Variants in DOK3 observed in about 807,000 individuals in gnomAD.
The protein encoded by DOK3 is Dok-like protein.
DOK3 carries 23 observed loss-of-function variants against 26.2 expected under a neutral mutation model. That is an observed-to-expected ratio of 0.88 (90% confidence interval 0.63 to 1.24). The LOEUF is 1.24. Ranked by LOEUF, DOK3 falls within the 50% of genes most tolerant of loss-of-function variation. DOK3 has a pLI of 0.00. For missense variants in DOK3, 619 were observed against 610.6 expected (o/e 1.01, Z -0.15); for synonymous variants, 268 against 268.2 (o/e 1.00, Z 0.01).
chr5:177,502,970 G>T lies in DOK3; in HGVS notation c.*1013C>A. The T allele has an allele frequency of 7.6e-7, 1 of 1,313,598 alleles. No individual in the cohort carries two copies. The highest frequency in any genetic ancestry group is 1.0e-6 in the Non-Finnish European group (1 of 964,562). 81.4% of individuals were successfully genotyped at this position (1,313,598 alleles called of 1,614,324 possible). ...TGGCCGCACTAAAGGAAGTGAGCTGGAAGGAGGTGGCGGCCAGAGGATGAG... is the reference window on the plus strand; with the variant it reads ...TGGCCGCACTAAAGGAAGTGAGCTGTAAGGAGGTGGCGGCCAGAGGATGAG... On this transcript the variant is annotated 3_prime_UTR_variant, in exon 6 of 6. Coordinates refer to ENST00000510898, the MANE Select transcript of DOK3 (RefSeq NM_001308236.3).
At chr5:177,509,881 C>A (rs552844895), upstream of DOK3, 8 of 1,607,638 alleles carry the variant, frequency 5.0e-6, no homozygotes, top group Non-Finnish European at 6.8e-6. Flanking sequence ...CGTCCCGCCC[C>A]GGGCAGCTGC....
At position 177,508,378 on chromosome 5, in the gene DOK3, ACAGT is replaced by A; in HGVS notation, c.227_230del (p.Asp76ValfsTer100). 2 of 1,603,166 alleles carry A rather than the reference ACAGT, an allele frequency of 1.2e-6. No individual in the cohort carries two copies. Among genetic ancestry groups the A allele is most frequent in the Non-Finnish European group, 1.7e-6 (2 of 1,179,196 alleles). On this transcript the variant is annotated frameshift_variant, in exon 3 of 6. Coordinates refer to ENST00000510898, the MANE Select transcript of DOK3 (RefSeq NM_001308236.3). LOFTEE classifies it high-confidence loss of function. Reference sequence around the variant, plus strand: ...CGCCGTCAGCCGGCAGCACGGACACACAGTCAGCCAGGCGGATGACCCGTCGCTC... The same window carrying A: ...CGCCGTCAGCCGGCAGCACGGACACACAGCCAGGCGGATGACCCGTCGCTC...
At position 177,502,809 on chromosome 5, in the gene DOK3, T is replaced by C. The variant is rs1759481780; in HGVS notation, c.*1174A>G. On this transcript the variant is annotated 3_prime_UTR_variant, in exon 6 of 6. Transcript: ENST00000510898. ...CTGGGCTCGCCCAAGGCCGGGGACT[T>C]TGCCAGACCAGTAAGATGAAACGAG... is the stretch of plus-strand genomic sequence containing the variant. 3.8e-6 allele frequency: 2 copies of C among 524,534 alleles called. 1 individual carries two copies. Among genetic ancestry groups the C allele is most frequent in the Admixed American group, 6.8e-5 (2 of 29,330 alleles). 32.5% of individuals were successfully genotyped at this position (524,534 alleles called of 1,614,324 possible).
chr5:177,503,176 G>A lies in DOK3; in HGVS notation c.*807C>T. The A allele has an allele frequency of 6.8e-7, 1 of 1,480,850 alleles. No homozygotes were observed. The highest frequency in any genetic ancestry group is 9.2e-7 in the Non-Finnish European group (1 of 1,087,436). The allele number at this position is 1,480,850 out of a possible 1,614,324, so 91.7% of individuals were successfully genotyped here. ...TGGCGCCAGGAGCAGGAGCAGAGGA[G>A]GGAACGCAGCATGGAAGTCTTCAGG... On this transcript the variant is annotated 3_prime_UTR_variant, in exon 6 of 6. Coordinates refer to ENST00000510898, the MANE Select transcript of DOK3 (RefSeq NM_001308236.3).
chr5:177,508,250 T>G lies in DOK3; in HGVS notation c.359A>C (p.Gln120Pro). Residue 120 changes from glutamine to proline, a missense_variant, in exon 3 of 6, where the codon CAG becomes CCG. Physicochemically the swap from Gln to Pro is moderately conservative, Grantham distance 76. Coordinates refer to ENST00000510898, the MANE Select transcript of DOK3 (RefSeq NM_001308236.3). ...CGCCGCACTCACCGGGAAGGCCAGC[T>G]GGCAGATGGGGCCCATCCAGGCCTG... ...HRQAWMGPIC[Q>P]LAFPGTGEAS... 1 of 1,512,250 alleles carries G rather than the reference T, an allele frequency of 6.6e-7. No individual in the cohort carries two copies. The highest frequency in any genetic ancestry group is 8.9e-7 in the Non-Finnish European group (1 of 1,125,922). 93.7% of individuals were successfully genotyped at this position (1,512,250 alleles called of 1,614,324 possible).
At position 177,504,249 on chromosome 5, in the gene DOK3, TGGG is replaced by T. The variant is rs1759716182; in HGVS notation, c.1054_1056del (p.Pro352del). ...GGCTCAGGTTCCCCACCGTGCAGCG[TGGG>T]GCTGGCCTCCAGCACACACAGGTTC... is the stretch of plus-strand genomic sequence containing the variant. On this transcript the variant is annotated inframe_deletion, in exon 6 of 6. Transcript: ENST00000510898. The T allele has an allele frequency of 6.2e-7, 1 of 1,610,600 alleles. No individual in the cohort carries two copies. Among genetic ancestry groups the T allele is most frequent in the Non-Finnish European group, 8.5e-7 (1 of 1,178,546 alleles).
intron 3 of DOK3, among the ~76,000 whole-genome samples, chr5:177,506,316 T>C (rs1035938202): frequency 2.8e-5 from 4 of 143,996 alleles, no homozygotes; most frequent in Non-Finnish European, 6.0e-5. Flanking sequence ...TAAAATTTAC[T>C]GTTTTAACCA....
chr5:177,504,981 G>A (rs749747143), intron 4 of DOK3, 30 bp downstream of exon 4: 7 of 1,591,864 alleles, frequency 4.4e-6, no homozygotes, highest in Admixed American at 1.7e-5. Context: ...GTGGGGGGCT[G>A]AGGCTGCCCT....
At position 177,503,905 on chromosome 5, in the gene DOK3, C is replaced by T. The variant is rs1759643104; in HGVS notation, c.*78G>A. 4 of 1,459,882 alleles carry T rather than the reference C, an allele frequency of 2.7e-6. No homozygotes were observed. The highest frequency in any genetic ancestry group is 2.7e-6 in the Non-Finnish European group (3 of 1,108,254). 90.4% of individuals were successfully genotyped at this position (1,459,882 alleles called of 1,614,324 possible). ...GGACACAGGCGTGTGTCTGCATGGG[C>T]CCAATGTTTGCCCACCAGCCCACCC... On this transcript the variant is annotated 3_prime_UTR_variant, in exon 6 of 6. Transcript: ENST00000510898.
At chr5:177,507,450 C>G (rs1403390167) in intron 3 of DOK3, among the ~76,000 whole-genome samples, 1 of 152,098 alleles carries the variant, frequency 6.6e-6, no homozygotes, top group South Asian at 2.1e-4. Flanking sequence ...TATGGACGTT[C>G]ATGTCCATGT....
In DOK3 at chr5:177,504,250, G is replaced by C. The variant is rs61749656; in HGVS notation, c.1056C>G (p.Pro352=). The change falls in exon 6 of 6, where the codon CCC becomes CCG. Residue 352 remains proline, a synonymous_variant. Transcript: ENST00000510898. The part of the protein sequence containing the change: ...YENLCVLEAS[P]TLHGGEPEPH... ...GCTCAGGTTCCCCACCGTGCAGCGT[G>C]GGGCTGGCCTCCAGCACACACAGGT... 7,527 of 1,610,698 alleles carry C rather than the reference G, an allele frequency of 4.7e-3. 21 individuals are homozygous for C. Among genetic ancestry groups the C allele is most frequent in the Non-Finnish European group, 5.6e-3 (6,647 of 1,178,500 alleles).
rs149581671 is a variant in DOK3 at position 177,509,489 on chromosome 5, C to G, written c.52G>C (p.Val18Leu). ...IKDGILYQQH[V>L]KFGKKCWRKV... ...GGGGTCCCCACCTTGCCAAACTTGA[C>G]ATGCTGCTGGTAGAGGATGCCATCC... Residue 18 changes from valine to leucine, a missense_variant, in exon 2 of 6, where the codon GTC becomes CTC. By Grantham distance (32) the Val-to-Leu change is conservative (BLOSUM62 1). Coordinates refer to ENST00000510898, the MANE Select transcript of DOK3 (RefSeq NM_001308236.3). The G allele has an allele frequency of 5.4e-5, 87 of 1,609,576 alleles. No homozygotes were observed. The African/African-American group carries it at 1.1e-3, about 21-fold the overall frequency.
Position 177,504,234 on chromosome 5 carries a change from C to T in DOK3, c.1072G>A (p.Glu358Lys). 6.2e-7 allele frequency: 1 copy of T among 1,611,588 alleles called. No homozygotes were observed. Among genetic ancestry groups the T allele is most frequent in the Non-Finnish European group, 8.5e-7 (1 of 1,179,014 alleles). ...CCGGGGCCCTCGTGCGGCTCAGGTT[C>T]CCCACCGTGCAGCGTGGGGCTGGCC... ...LEASPTLHGG[E>K]PEPHEGPGSR... The change falls in exon 6 of 6, where the codon GAA becomes AAA. Residue 358 changes from glutamate to lysine, a missense_variant. Coordinates refer to ENST00000510898, the MANE Select transcript of DOK3 (RefSeq NM_001308236.3).
intron 3 of DOK3, 44 bp downstream of exon 3, chr5:177,508,193 G>C: frequency 7.2e-7 from 1 of 1,382,776 alleles, no homozygotes; most frequent in Non-Finnish European, 9.3e-7. Context: ...ACAAGTCGGG[G>C]GCAGGTGCCC....
At chr5:177,506,173 C>G (rs534905990) in intron 3 of DOK3, among the ~76,000 whole-genome samples, 136 of 152,180 alleles carry the variant, frequency 8.9e-4, no homozygotes, top group Non-Finnish European at 5.7e-4. Context: ...AGGCTGGTCT[C>G]GAACTCCTGA....
Position 177,502,856 on chromosome 5 carries a change from A to G in DOK3, c.*1127T>C. 2 of 594,838 alleles carry G rather than the reference A, an allele frequency of 3.4e-6. No individual in the cohort carries two copies. Among genetic ancestry groups the G allele is most frequent in the East Asian group, 2.8e-5 (1 of 35,828 alleles). 36.8% of individuals were successfully genotyped at this position (594,838 alleles called of 1,614,324 possible). On this transcript the variant is annotated 3_prime_UTR_variant, in exon 6 of 6. Coordinates refer to ENST00000510898, the MANE Select transcript of DOK3 (RefSeq NM_001308236.3). ...CGAGAGAGAACAGGGGGAAGGGACT[A>G]TGGAGAACAAAGAGGGGATGGTGGG...
At chr5:177,507,062 C>T (rs978772464) in intron 3 of DOK3, among the ~76,000 whole-genome samples, 5 of 152,198 alleles carry the variant, frequency 3.3e-5, no homozygotes, top group Non-Finnish European at 7.4e-5. Context: ...CATCATCCCA[C>T]ATGGAAGCCC....
chr5:177,508,101 G>C, intron 3 of DOK3, 136 bp downstream of exon 3: 3 of 1,140,278 alleles, frequency 2.6e-6, no homozygotes. Context: ...GGCCCTCTGA[G>C]AGTCATTATA....
Position 177,504,301 on chromosome 5 carries a change from G to A in DOK3, c.1005C>T (p.Pro335=), listed in dbSNP as rs746638854. The A allele has an allele frequency of 1.9e-6, 3 of 1,606,494 alleles. No homozygotes were observed. The highest frequency in any genetic ancestry group is 2.6e-6 in the Non-Finnish European group (3 of 1,175,932). Reference sequence around the variant, plus strand: ...TCTCATAGAGGTGCTCATTGCCTGGGGGCCCACTGGCACGCTTGCACACTG... The same window carrying A: ...TCTCATAGAGGTGCTCATTGCCTGGAGGCCCACTGGCACGCTTGCACACTG... ...YASVCKRASG[P]PGNEHLYENL... is the part of the protein sequence containing the mutation. Residue 335 remains proline (P), a synonymous_variant, in exon 6 of 6, where the codon CCC becomes CCT. Coordinates refer to ENST00000510898, the MANE Select transcript of DOK3 (RefSeq NM_001308236.3).
Sources: allele counts gnomAD v4.1 joint callset (sites outside exome capture counted in the v4.1 genomes callset), GRCh38; gene constraint gnomAD v4.1.1; transcripts MANE v1.5; gene names NCBI Gene and HGNC (gene_info 2026-07-23, HGNC 2026-07-21).